Variants in NYAP2 observed in about 807,000 individuals in gnomAD.
NYAP2 encodes neuronal tyrosine-phosphorylated phosphoinositide-3-kinase adapter 2.
Under a neutral mutation model 50.4 loss-of-function variants are expected in NYAP2, and 23 were observed. That is an observed-to-expected ratio of 0.46 (90% CI 0.33 to 0.65). The LOEUF is 0.65. Ranked by LOEUF, NYAP2 falls within the 30% of genes least tolerant of loss-of-function variation. The pLI, the probability that NYAP2 is intolerant of heterozygous loss-of-function variation, is 0.02. For synonymous variants in NYAP2, 394 were observed against 365.2 expected, an observed-to-expected ratio of 1.08 and a Z score of -0.90; for missense variants, 885 against 861.0, an observed-to-expected ratio of 1.03 and a Z score of -0.35.
In NYAP2 at chr2:225,534,160, T is replaced by G. The variant is rs114134556; in HGVS notation, c.523+20488T>G. Among the ~76,000 whole-genome samples, 816 of 152,332 alleles carry G rather than the reference T, an allele frequency of 5.4e-3. 5 individuals are homozygous for G. Among genetic ancestry groups the G allele is most frequent in the African/African-American group, 0.019 (780 of 41,574 alleles). ...GAGAAAACATTCCTGTATGATAGTT[T>G]AGGGAAATATTGCGTCTGAAGGCCT... On this transcript the variant is annotated intron_variant, in intron 4 of 6. Coordinates refer to ENST00000636099, the Ensembl canonical transcript of NYAP2.
chr2:225,467,977 A>G (rs1418751732), intron 3 of NYAP2, among the ~76,000 whole-genome samples: 1 of 152,208 alleles, frequency 6.6e-6, no homozygotes, highest in African/African-American at 2.4e-5. Context: ...ATGAGAGTTC[A>G]AAAAAGGGTG....
Position 225,582,434 on chromosome 2 carries a change from T to TCCCCCCCCCCCCCCCCCCCTCCCCCCC in NYAP2, c.1023_1024insCCCCCCCCCCCCCTCCCCCCCCCCCCC (p.Pro341_Ala342insProProProProLeuProProProPro). The TCCCCCCCCCCCCCCCCCCCTCCCCCCC allele has an allele frequency of 6.4e-7, 1 of 1,564,570 alleles. No individual in the cohort carries two copies. The highest frequency in any genetic ancestry group is 8.7e-7 in the Non-Finnish European group (1 of 1,148,094). On this transcript the variant is annotated inframe_insertion, in exon 5 of 7. Transcript: ENST00000636099. This position sits in a 1 kb window ranked among gnomAD's most constrained non-coding sequence, Gnocchi z 7.0. ...CTCACAGACCCCCGCTGCTGGTATT[T>TCCCCCCCCCCCCCCCCCCCTCCCCCCC]CCCCCCGCCCCCGTGCATTGCTCCC...
intron 3 of NYAP2, among the ~76,000 whole-genome samples, chr2:225,415,853 G>A (rs1695113881): frequency 6.6e-6 from 1 of 151,860 alleles, no homozygotes; most frequent in Non-Finnish European, 1.5e-5. Flanking sequence ...CAGAAATACT[G>A]TATAACTAAC....
chr2:225,446,261 T>G (rs1689561977), intron 3 of NYAP2, among the ~76,000 whole-genome samples: 1 of 127,666 alleles, frequency 7.8e-6, no homozygotes, highest in Non-Finnish European at 1.7e-5. Context: ...TATATATATA[T>G]ATATATATAT....
intron 4 of NYAP2, among the ~76,000 whole-genome samples, chr2:225,526,720 A>C (rs1232627095): frequency 6.6e-6 from 1 of 152,168 alleles, no homozygotes; most frequent in Non-Finnish European, 1.5e-5. Flanking sequence ...AGTGCTCAAA[A>C]CACTGCTTAG....
In NYAP2 at chr2:225,522,278, G is replaced by A. The variant is rs545651102; in HGVS notation, c.523+8606G>A. Among the ~76,000 whole-genome samples the A allele has an allele frequency of 2.0e-5, 3 of 152,104 alleles. No individual in the cohort carries two copies. The South Asian group carries it at 6.2e-4, about 32-fold the overall frequency. On this transcript the variant is annotated intron_variant, in intron 4 of 6. Transcript: ENST00000636099. ...CCATTTGTTATGAACTCTTCCTCAA[G>A]TTATTTTCAAACTTCTTTATTATAT... is the stretch of plus-strand genomic sequence containing the variant.
chr2:225,648,912 G>A (rs1693683290), intron 6 of NYAP2, among the ~76,000 whole-genome samples: 1 of 152,130 alleles, frequency 6.6e-6, no homozygotes, highest in South Asian at 2.1e-4. Flanking sequence ...AGGTGCAGAG[G>A]GAAAAGGCCA....
chr2:225,417,210 T>C (rs1485303300), intron 3 of NYAP2, among the ~76,000 whole-genome samples: 1 of 152,134 alleles, frequency 6.6e-6, no homozygotes, highest in African/African-American at 2.4e-5. Flanking sequence ...TCCTAGAGAA[T>C]GTGTGTAATG....
intron 3 of NYAP2, among the ~76,000 whole-genome samples, chr2:225,431,647 CTCTT>C (rs892954308): frequency 7.9e-5 from 12 of 152,210 alleles, no homozygotes; most frequent in African/African-American, 2.7e-4. Context: ...CTCTCTCTCT[CTCTT>C]TTTCTCTTAA....
chr2:225,524,995 C>T (rs1691127046), intron 4 of NYAP2, among the ~76,000 whole-genome samples: 1 of 152,128 alleles, frequency 6.6e-6, no homozygotes, highest in South Asian at 2.1e-4. Flanking sequence ...TGTTCAACAT[C>T]ACCAATCATC....
At chr2:225,440,677 GA>G (rs1252180885) in intron 3 of NYAP2, among the ~76,000 whole-genome samples, 1 of 152,154 alleles carries the variant, frequency 6.6e-6, no homozygotes, top group African/African-American at 2.4e-5. Context: ...CAGACTTGAG[GA>G]AAGACAAAAG....
chr2:225,431,826 A>G (rs919700514), intron 3 of NYAP2, among the ~76,000 whole-genome samples: 3 of 152,232 alleles, frequency 2.0e-5, no homozygotes, highest in African/African-American at 7.2e-5. Flanking sequence ...GGAATTGAAC[A>G]TGGGAAGGGT....
chr2:225,503,393 T>C (rs1446812551), intron 3 of NYAP2, among the ~76,000 whole-genome samples: 1 of 152,234 alleles, frequency 6.6e-6, no homozygotes, highest in Non-Finnish European at 1.5e-5. Flanking sequence ...AGGAATGTTT[T>C]AATTTTAGAT....
intron 3 of NYAP2, among the ~76,000 whole-genome samples, chr2:225,443,869 C>T (rs778523188): frequency 3.9e-5 from 6 of 152,172 alleles, no homozygotes; most frequent in Non-Finnish European, 7.4e-5. Flanking sequence ...AAGGAATGGT[C>T]ACTGACCATA....
intron 2 of NYAP2, among the ~76,000 whole-genome samples, chr2:225,404,026 T>G (rs1469105324): frequency 1.3e-5 from 2 of 152,002 alleles, no homozygotes; most frequent in African/African-American, 4.8e-5. Context: ...CACCCTTGAT[T>G]CAACAGTATC....
At chr2:225,580,282 A>G (rs1574690108) in intron 4 of NYAP2, among the ~76,000 whole-genome samples, 1 of 152,234 alleles carries the variant, frequency 6.6e-6, no homozygotes, top group Admixed American at 6.5e-5. Flanking sequence ...TACTAAAATT[A>G]TATGAAAATT....
At chr2:225,483,126 T>TA (rs1690233506) in intron 3 of NYAP2, among the ~76,000 whole-genome samples, 1 of 152,214 alleles carries the variant, frequency 6.6e-6, no homozygotes, top group Admixed American at 6.5e-5. Context: ...TTAACTAACA[T>TA]AACATCTATA....
At chr2:225,613,135 G>A (rs542281630) in intron 5 of NYAP2, among the ~76,000 whole-genome samples, 9 of 152,130 alleles carry the variant, frequency 5.9e-5, no homozygotes, top group Admixed American at 6.5e-5. Context: ...GAAACCAGTC[G>A]TGTCTCAGTC....
At position 225,589,996 on chromosome 2, in the gene NYAP2, A is replaced by G. The variant is rs568865129; in HGVS notation, c.1618+6961A>G. Among the ~76,000 whole-genome samples, 60 of 152,208 alleles carry G rather than the reference A, an allele frequency of 3.9e-4. No individual in the cohort carries two copies. In the South Asian group the frequency reaches 0.012, roughly 31 times the overall value. ...ACCGGAGTTAGGGGCTGGATTCGGA[A>G]CCTCTTGTACTCTGGAATACAAAGG... On this transcript the variant is annotated intron_variant, in intron 5 of 6. Coordinates refer to ENST00000636099, the Ensembl canonical transcript of NYAP2.
Sources: allele counts gnomAD v4.1 joint callset (sites outside exome capture counted in the v4.1 genomes callset), GRCh38; gene constraint gnomAD v4.1.1; non-coding constraint Gnocchi (gnomAD v3.1); transcripts MANE v1.5; gene names NCBI Gene and HGNC (gene_info 2026-07-23, HGNC 2026-07-21).